The following PAH variants were observed in gnomAD, a reference collection of about 807,000 sequenced individuals.
PAH encodes the protein phenylalanine-4-hydroxylase.
PAH carries 64 observed loss-of-function variants against 62.0 expected under a neutral mutation model. That is an observed-to-expected ratio of 1.03 (90% CI 0.84 to 1.27). PAH has a LOEUF of 1.27. PAH is among the 50% of genes most tolerant of loss of function. PAH has a pLI of 0.00. For missense variants in PAH, 579 were observed against 542.8 expected (o/e 1.07, Z -0.66); for synonymous variants, 195 against 196.2 (o/e 0.99, Z 0.05).
chr12:102,925,195 T>C (rs2136742377), intron 1 of PAH, among the ~76,000 whole-genome samples: 1 of 152,288 alleles, frequency 6.6e-6, no homozygotes, highest in East Asian at 1.9e-4. Flanking sequence ...ACCTAAGTAG[T>C]GTCCATAGAG....
At chr12:102,883,280 C>G (rs1462365365) in intron 3 of PAH, among the ~76,000 whole-genome samples, 1 of 152,174 alleles carries the variant, frequency 6.6e-6, no homozygotes. Flanking sequence ...AAATGCACAG[C>G]CTCATTTTCC....
At chr12:102,928,992 G>A (rs1878766808) in intron 1 of PAH, among the ~76,000 whole-genome samples, 1 of 152,188 alleles carries the variant, frequency 6.6e-6, no homozygotes, top group African/African-American at 2.4e-5. Context: ...ATGCCCCCAT[G>A]CTGCTGTTCT....
chr12:102,953,935 G>A (rs1879839797), upstream of PAH: 1 of 152,222 alleles, frequency 6.6e-6, no homozygotes, highest in Non-Finnish European at 1.5e-5. Context: ...TAACACCCTT[G>A]ACATACAGGC....
chr12:102,921,694 G>A (rs1878555135), upstream of PAH, among the ~76,000 whole-genome samples: 1 of 152,082 alleles, frequency 6.6e-6, no homozygotes, highest in Non-Finnish European at 1.5e-5. Flanking sequence ...ACCTGTACAT[G>A]CCTTGGGGAT....
intron 1 of PAH, among the ~76,000 whole-genome samples, chr12:102,934,283 T>C (rs1160576103): frequency 4.6e-5 from 7 of 152,134 alleles, no homozygotes; most frequent in Admixed American, 4.6e-4. Context: ...CATTGCTCTG[T>C]GTGTCTGTGT....
At chr12:102,942,527 A>C (rs1162259369) in intron 1 of PAH, among the ~76,000 whole-genome samples, 2 of 152,150 alleles carry the variant, frequency 1.3e-5, no homozygotes, top group African/African-American at 4.8e-5. Context: ...CTATGAAACT[A>C]CCAATGACAT....
At chr12:102,933,785 A>G (rs1435483434) in intron 1 of PAH, among the ~76,000 whole-genome samples, 2 of 151,960 alleles carry the variant, frequency 1.3e-5, no homozygotes, top group Admixed American at 1.3e-4. Flanking sequence ...CCATTTTTCA[A>G]TTGGATTATT....
chr12:102,918,984 A>C (rs1295574716), upstream of PAH, among the ~76,000 whole-genome samples: 1 of 152,168 alleles, frequency 6.6e-6, no homozygotes, highest in Non-Finnish European at 1.5e-5. Flanking sequence ...AAAGCAAAGA[A>C]TATTATCTAC....
At chr12:102,845,830 C>T (rs1363940361) in intron 9 of PAH, among the ~76,000 whole-genome samples, 1 of 152,100 alleles carries the variant, frequency 6.6e-6, no homozygotes. Context: ...AGGACTGTTC[C>T]TCAACCAATC....
At chr12:102,867,789 G>C (rs1327417591) in intron 4 of PAH, among the ~76,000 whole-genome samples, 1 of 148,032 alleles carries the variant, frequency 6.8e-6, no homozygotes, top group Non-Finnish European at 1.5e-5. Flanking sequence ...TTGAATTTTT[G>C]TTTTGGGAGA....
chr12:102,842,348 A>G lies in PAH; in HGVS notation c.1199+1298T>C, dbSNP rs141318964. On this transcript the variant is annotated intron_variant, in intron 11 of 12. Transcript: ENST00000553106. ...CCAGAAGGACTTGAGAGCTCTGGACAGAGCTGGAGAAATAGTCATTTTAGG... is the reference window on the plus strand; with the variant it reads ...CCAGAAGGACTTGAGAGCTCTGGACGGAGCTGGAGAAATAGTCATTTTAGG... Among the ~76,000 whole-genome samples the G allele has an allele frequency of 2.0e-3, 304 of 152,338 alleles. 5 individuals are homozygous for G. The highest frequency in any genetic ancestry group is 0.015 in the Admixed American group (232 of 15,308).
upstream of PAH, among the ~76,000 whole-genome samples, chr12:102,920,731 C>T (rs535575391): frequency 2.6e-5 from 4 of 152,230 alleles, no homozygotes; most frequent in African/African-American, 9.6e-5. Flanking sequence ...ATGTATTTTT[C>T]ATGGATATGT....
intron 1 of PAH, among the ~76,000 whole-genome samples, chr12:102,927,996 T>C (rs1285328256): frequency 6.6e-6 from 1 of 152,214 alleles, no homozygotes; most frequent in Admixed American, 6.5e-5. Flanking sequence ...AAATGAAATG[T>C]CCTTCAGCTT....
chr12:102,914,053 C>G (rs1156998902), intron 1 of PAH: 1 of 511,854 alleles, frequency 2.0e-6, no homozygotes, highest in Non-Finnish European at 3.5e-6. Context: ...CTTAGTGACT[C>G]AGAATAACAA....
chr12:102,912,758 A>G (rs1191268950), intron 2 of PAH, 33 bp downstream of exon 2: 6 of 1,402,284 alleles, frequency 4.3e-6, no homozygotes, highest in Non-Finnish European at 6.1e-6. Context: ...TTGCTACGAC[A>G]TTATCCAAGA....
rs1318770652 is a variant in PAH at position 102,913,722 on chromosome 12, G to A, written c.61-824C>T. 1.3e-5 allele frequency: 9 copies of A among 680,038 alleles called. No homozygotes were observed. In the East Asian group the frequency reaches 1.9e-4, roughly 14 times the overall value. The allele number at this position is 680,038 out of a possible 1,614,324, so 42.1% of individuals were successfully genotyped here. On this transcript the variant is annotated intron_variant, in intron 1 of 12. Transcript: ENST00000553106. ...GTTGAAAAAGAGTTACAAAATCCAT[G>A]AAAGTACACAAATAACCTATCAGAA...
At chr12:102,921,793 A>G (rs1878556855), upstream of PAH, among the ~76,000 whole-genome samples, 1 of 152,086 alleles carries the variant, frequency 6.6e-6, no homozygotes, top group Non-Finnish European at 1.5e-5. Context: ...GTCTTTTGGG[A>G]TTTTCTCACC....
rs780516168 is a variant in PAH at position 102,895,854 on chromosome 12, CAAAAAA to C, written c.169-942_169-937del. Among the ~76,000 whole-genome samples the C allele has an allele frequency of 8.6e-5, 9 of 104,998 alleles. No homozygotes were observed. The South Asian group carries it at 2.5e-3, about 29-fold the overall frequency. 68.9% of individuals were successfully genotyped at this position (104,998 alleles called of 152,430 possible). ...TGGGCGACAGAGCGAGACTCTGTCT[CAAAAAA>C]AAAAAAAAAATATATATATATATAT... On this transcript the variant is annotated intron_variant, in intron 2 of 12. Coordinates refer to ENST00000553106, the MANE Select transcript of PAH (RefSeq NM_000277.3).
rs758762716 is a variant in PAH at position 102,868,078 on chromosome 12, A to ATG, written c.442-1417_442-1416dup. On this transcript the variant is annotated intron_variant, in intron 4 of 12. Transcript: ENST00000553106. The stretch of plus-strand genomic sequence containing the variant: ...TATATATACACATATATATACATAT[A>ATG]TGTGTGTGTGTATATATATATATAT... 1.4e-4 allele frequency among the ~76,000 whole-genome samples: 9 copies of ATG among 64,812 alleles called. 1 individual carries two copies. The highest frequency in any genetic ancestry group is 9.9e-4 in the East Asian group (4 of 4,048). The allele number at this position is 64,812 out of a possible 152,430, so 42.5% of individuals were successfully genotyped here. A position where few individuals can be genotyped will look rare whatever the true frequency, so the allele number is the denominator to read the frequency against.
Sources: gnomAD v4.1 joint callset for allele counts (sites outside exome capture counted in the v4.1 genomes callset) on GRCh38, gnomAD v4.1.1 for gene constraint, MANE v1.5 for transcripts, NCBI Gene and HGNC (gene_info 2026-07-23, HGNC 2026-07-21) for gene names.